CCDC178: variants seen among roughly 807,000 people sequenced by gnomAD.
CCDC178 encodes coiled-coil domain containing 178.
A neutral mutation model predicts 117.4 loss-of-function variants in CCDC178; 126 were observed. The observed-to-expected ratio is 1.07, with a 90% CI of 0.93 to 1.24. CCDC178 has a LOEUF of 1.24. Among genes scored for constraint, CCDC178 ranks in the 50% most tolerant of loss-of-function variants. The pLI, the probability that CCDC178 is intolerant of heterozygous loss-of-function variation, is 0.00. For missense variants in CCDC178, 1,030 were observed against 986.9 expected (o/e 1.04, Z -0.59); for synonymous variants, 283 against 313.4 (o/e 0.90, Z 1.02).
intron 22 of CCDC178, among the ~76,000 whole-genome samples, chr18:32,940,778 A>G (rs2054220754): frequency 6.6e-6 from 1 of 152,146 alleles, no homozygotes; most frequent in Non-Finnish European, 1.5e-5. Flanking sequence ...TTATAGGACT[A>G]TAAAAGAAAA....
At chr18:33,089,142 T>C (rs896583094) in intron 21 of CCDC178, among the ~76,000 whole-genome samples, 2 of 152,172 alleles carry the variant, frequency 1.3e-5, no homozygotes, top group Admixed American at 6.5e-5. Context: ...CAAAAACAAC[T>C]AGTGAATCAA....
At chr18:32,951,695 C>T (rs767594059) in intron 22 of CCDC178, among the ~76,000 whole-genome samples, 71 of 152,354 alleles carry the variant, frequency 4.7e-4, no homozygotes, top group Middle Eastern at 3.4e-3. Context: ...TAATGCCTTT[C>T]CAACAGTCCC....
chr18:33,188,654 G>C (rs1366049032), intron 20 of CCDC178, among the ~76,000 whole-genome samples: 1 of 152,156 alleles, frequency 6.6e-6, no homozygotes, highest in African/African-American at 2.4e-5. Context: ...GGAGGCTTCA[G>C]TTTTAACAAC....
At chr18:33,400,676 T>G (rs113833077) in intron 3 of CCDC178, among the ~76,000 whole-genome samples, 2 of 152,226 alleles carry the variant, frequency 1.3e-5, no homozygotes, top group Non-Finnish European at 2.9e-5. Flanking sequence ...GGGAATGTTG[T>G]GTCTGGTTTG....
chr18:33,360,185 A>G (rs1279296879), intron 6 of CCDC178, among the ~76,000 whole-genome samples: 1 of 151,094 alleles, frequency 6.6e-6, no homozygotes, highest in Non-Finnish European at 1.5e-5. Flanking sequence ...AATAAGTTAT[A>G]TATAGAATCA....
intron 15 of CCDC178, among the ~76,000 whole-genome samples, chr18:33,227,651 C>T (rs1433878963): frequency 6.6e-6 from 1 of 150,588 alleles, no homozygotes; most frequent in South Asian, 2.1e-4. Context: ...GATACCCCTA[C>T]TTCAATACTG....
chr18:33,411,867 A>T (rs2063859613), intron 3 of CCDC178, among the ~76,000 whole-genome samples, 164 bp downstream of exon 3: 1 of 151,812 alleles, frequency 6.6e-6, no homozygotes, highest in African/African-American at 2.4e-5. Flanking sequence ...ACGCTGACTC[A>T]CTCTTTTCTC....
In CCDC178 at chr18:33,103,198, T is replaced by C. The variant is rs553890502; in HGVS notation, c.2239-10288A>G. 3.0e-4 allele frequency among the ~76,000 whole-genome samples: 45 copies of C among 151,802 alleles called. No homozygotes were observed. The South Asian group carries it at 6.4e-3, about 22-fold the overall frequency. On this transcript the variant is annotated intron_variant, in intron 20 of 22. Coordinates refer to ENST00000383096, the MANE Select transcript of CCDC178 (RefSeq NM_001105528.4). The stretch of plus-strand genomic sequence containing the variant: ...GAGGCAAAAGGCAGTTTTTGCATAG[T>C]GACAGCAAGAGAAAATAAGGAAGAT...
At chr18:33,112,793 C>T (rs189525626) in intron 20 of CCDC178, among the ~76,000 whole-genome samples, 1 of 151,848 alleles carries the variant, frequency 6.6e-6, no homozygotes, top group Non-Finnish European at 1.5e-5. Context: ...TTATTCTATA[C>T]CCTACCACAC....
At chr18:33,313,524 T>G (rs2062371279) in intron 11 of CCDC178, among the ~76,000 whole-genome samples, 1 of 152,168 alleles carries the variant, frequency 6.6e-6, no homozygotes, top group Admixed American at 6.5e-5. Context: ...CCTCATAAAC[T>G]TCTTTTCCCA....
At chr18:33,003,675 C>G (rs1222403128) in intron 21 of CCDC178, among the ~76,000 whole-genome samples, 1 of 152,056 alleles carries the variant, frequency 6.6e-6, no homozygotes, top group African/African-American at 2.4e-5. Context: ...ACTGGAAGTT[C>G]TAGCTAGAGC....
At chr18:33,319,580 T>C (rs894640665) in intron 11 of CCDC178, among the ~76,000 whole-genome samples, 3 of 152,164 alleles carry the variant, frequency 2.0e-5, no homozygotes, top group Middle Eastern at 3.4e-3. Flanking sequence ...CTGGGTCAAA[T>C]GGTATTTCTA....
chr18:33,341,776 C>T (rs1299289034), intron 9 of CCDC178, among the ~76,000 whole-genome samples: 1 of 152,012 alleles, frequency 6.6e-6, no homozygotes, highest in African/African-American at 2.4e-5. Context: ...ACTGTGAAGC[C>T]CAATTAAACC....
chr18:33,185,601 T>C (rs1212101372), intron 20 of CCDC178, among the ~76,000 whole-genome samples: 2 of 151,856 alleles, frequency 1.3e-5, no homozygotes, highest in Non-Finnish European at 2.9e-5. Context: ...AAGTCAAAAG[T>C]AGAAGGTTAT....
chr18:33,025,130 G>A (rs1207471083), intron 21 of CCDC178, among the ~76,000 whole-genome samples: 3 of 152,158 alleles, frequency 2.0e-5, no homozygotes, highest in Non-Finnish European at 4.4e-5. Context: ...ACATAACCAA[G>A]TGGACTTTGT....
At chr18:33,302,466 C>T (rs1046533859) in intron 11 of CCDC178, among the ~76,000 whole-genome samples, 2 of 152,230 alleles carry the variant, frequency 1.3e-5, no homozygotes, top group East Asian at 3.9e-4. Context: ...GAAAATTCCA[C>T]AAAAGTTACA....
At chr18:33,315,823 C>T (rs972538730) in intron 11 of CCDC178, among the ~76,000 whole-genome samples, 122 of 152,296 alleles carry the variant, frequency 8.0e-4, no homozygotes, top group African/African-American at 2.8e-3. Flanking sequence ...TTGGGAGTGT[C>T]CATATATCCC....
intron 20 of CCDC178, among the ~76,000 whole-genome samples, chr18:33,202,019 C>G (rs575280967): frequency 6.6e-6 from 1 of 152,032 alleles, no homozygotes; most frequent in Non-Finnish European, 1.5e-5. Flanking sequence ...TGGCTGACTC[C>G]CAGATCTTAT....
chr18:33,063,192 T>C (rs751595376), intron 21 of CCDC178, among the ~76,000 whole-genome samples: 14 of 152,132 alleles, frequency 9.2e-5, no homozygotes, highest in Non-Finnish European at 1.9e-4. Context: ...GGGCTAGGGA[T>C]TGACCTACCC....
Sources: allele counts gnomAD v4.1 joint callset (sites outside exome capture counted in the v4.1 genomes callset), GRCh38; gene constraint gnomAD v4.1.1; transcripts MANE v1.5; gene names NCBI Gene and HGNC (gene_info 2026-07-23, HGNC 2026-07-21).